Variants in BICC1 observed in about 807,000 individuals in gnomAD.
BICC1 encodes BicC family RNA binding protein 1, also known as protein bicaudal C homolog 1.
In BICC1, 43 loss-of-function variants were observed where a neutral mutation model predicts 111.0. The ratio of observed to expected loss-of-function variants is 0.39; its 90% confidence interval spans 0.30 to 0.50. BICC1 has a LOEUF of 0.50. BICC1 is among the 20% of genes least tolerant of loss of function. The pLI is 0.88. For synonymous variants in BICC1, 467 were observed against 434.4 expected, an observed-to-expected ratio of 1.07 and a Z score of -0.93; for missense variants, 1,091 against 1,203.2, an observed-to-expected ratio of 0.91 and a Z score of 1.38.
At chr10:58,704,088 A>G (rs966414030) in intron 3 of BICC1, among the ~76,000 whole-genome samples, 1 of 152,220 alleles carries the variant, frequency 6.6e-6, no homozygotes, top group Non-Finnish European at 1.5e-5. Flanking sequence ...CCCATTCAAA[A>G]TGGCCAACTA....
chr10:58,785,937 C>A (rs748135056), intron 4 of BICC1, among the ~76,000 whole-genome samples: 3 of 151,766 alleles, frequency 2.0e-5, no homozygotes, highest in East Asian at 3.9e-4. Context: ...TGGTTTTCTT[C>A]GTTTTTAAAA....
At chr10:58,580,000 C>T (rs1307199113) in intron 1 of BICC1, among the ~76,000 whole-genome samples, 1 of 149,420 alleles carries the variant, frequency 6.7e-6, no homozygotes, top group Non-Finnish European at 1.5e-5. Flanking sequence ...TTTAAGAACA[C>T]TTAACAAGAA....
At chr10:58,716,787 G>T (rs1469805047) in intron 3 of BICC1, among the ~76,000 whole-genome samples, 1 of 148,434 alleles carries the variant, frequency 6.7e-6, no homozygotes, top group South Asian at 2.1e-4. Context: ...GGGTTGGGGG[G>T]GTGGTTTGCT....
chr10:58,762,949 A>G (rs773710967), intron 3 of BICC1, among the ~76,000 whole-genome samples: 1 of 152,206 alleles, frequency 6.6e-6, no homozygotes, highest in Non-Finnish European at 1.5e-5. Context: ...GTTAGACTCA[A>G]TGAAACAGAA....
At position 58,537,783 on chromosome 10, in the gene BICC1, C is replaced by T. The variant is rs561489689; in HGVS notation, c.190+24450C>T. On this transcript the variant is annotated intron_variant, in intron 1 of 20. Coordinates refer to ENST00000373886, the MANE Select transcript of BICC1 (RefSeq NM_001080512.3). Reference sequence around the variant, plus strand: ...CTGATAAATGAATCCAGTAAAGTCTCAGGTTACAAAATTAATATACATAAA... The same window carrying T: ...CTGATAAATGAATCCAGTAAAGTCTTAGGTTACAAAATTAATATACATAAA... 5.3e-5 allele frequency among the ~76,000 whole-genome samples: 8 copies of T among 151,912 alleles called. No individual in the cohort carries two copies. In the East Asian group the frequency reaches 1.4e-3, roughly 26 times the overall value.
At chr10:58,789,116 C>A in intron 6 of BICC1, 146 bp from the exon 7 acceptor site, 1 of 614,354 alleles carries the variant, frequency 1.6e-6, no homozygotes, top group Admixed American at 3.3e-5. Flanking sequence ...AAAAAAAAAA[C>A]TTTATATAAT....
chr10:58,652,522 CTCT>C (rs1355214960), intron 2 of BICC1, among the ~76,000 whole-genome samples: 6 of 152,198 alleles, frequency 3.9e-5, no homozygotes, highest in African/African-American at 1.4e-4. Flanking sequence ...GCTCATAGTT[CTCT>C]TCTTGGTAAG....
intron 1 of BICC1, among the ~76,000 whole-genome samples, chr10:58,594,306 G>C (rs1483907475): frequency 6.6e-6 from 1 of 152,110 alleles, no homozygotes; most frequent in African/African-American, 2.4e-5. Flanking sequence ...CACTTTTCAG[G>C]ATATTATCCA....
At chr10:58,769,758 T>C (rs35784224) in intron 3 of BICC1, among the ~76,000 whole-genome samples, 71,013 of 151,690 alleles carry the variant, frequency 0.47, 16,764 homozygotes, top group Admixed American at 0.58. Flanking sequence ...TTCTACTGTA[T>C]TCATATAGTG....
chr10:58,657,750 G>T (rs994122747), intron 2 of BICC1, among the ~76,000 whole-genome samples: 2 of 151,970 alleles, frequency 1.3e-5, no homozygotes, highest in Non-Finnish European at 2.9e-5. Flanking sequence ...TTGAATTTTT[G>T]TTAACTTTAA....
intron 3 of BICC1, among the ~76,000 whole-genome samples, chr10:58,774,875 T>A (rs1235143107): frequency 6.6e-6 from 1 of 152,210 alleles, no homozygotes; most frequent in Non-Finnish European, 1.5e-5. Flanking sequence ...TTTGCCCATT[T>A]CCTTAAGGGA....
In BICC1 at chr10:58,567,428, T is replaced by C. The variant is rs1432102464; in HGVS notation, c.191-53427T>C. 2.6e-5 allele frequency among the ~76,000 whole-genome samples: 4 copies of C among 151,904 alleles called. No homozygotes were observed. In the East Asian group the frequency reaches 7.7e-4, roughly 29 times the overall value. The stretch of plus-strand genomic sequence containing the variant: ...GAGATATATATATATGTGTGTGTCT[T>C]TTAGGGGATATATATATGTCTTTTA... On this transcript the variant is annotated intron_variant, in intron 1 of 20. Coordinates refer to ENST00000373886, the MANE Select transcript of BICC1 (RefSeq NM_001080512.3).
At chr10:58,730,927 G>T (rs1209831854) in intron 3 of BICC1, among the ~76,000 whole-genome samples, 1 of 152,136 alleles carries the variant, frequency 6.6e-6, no homozygotes, top group Non-Finnish European at 1.5e-5. Flanking sequence ...AATTCCTGCA[G>T]CCTGCTTGAA....
intron 20 of BICC1, among the ~76,000 whole-genome samples, chr10:58,826,408 G>A (rs189201687): frequency 3.3e-5 from 5 of 152,260 alleles, no homozygotes; most frequent in Admixed American, 2.0e-4. Context: ...TAATGCAGAT[G>A]TAAGTGTCCT....
At chr10:58,623,811 C>G (rs956146161) in intron 2 of BICC1, among the ~76,000 whole-genome samples, 1 of 152,080 alleles carries the variant, frequency 6.6e-6, no homozygotes, top group Non-Finnish European at 1.5e-5. Context: ...AATGTGGCAC[C>G]TGTCACTTCC....
intron 20 of BICC1, 107 bp from the exon 21 acceptor site, chr10:58,828,654 C>G (rs566639195): frequency 1.8e-4 from 218 of 1,218,662 alleles, no homozygotes; most frequent in Middle Eastern, 1.0e-3. Flanking sequence ...ACTTGACTTT[C>G]CTCAAAAAAC....
At chr10:58,670,822 C>T (rs1839160791) in intron 2 of BICC1, among the ~76,000 whole-genome samples, 1 of 152,096 alleles carries the variant, frequency 6.6e-6, no homozygotes, top group South Asian at 2.1e-4. Context: ...GATAAACAAA[C>T]TGGTGGGTTT....
intron 3 of BICC1, among the ~76,000 whole-genome samples, chr10:58,754,753 G>GT (rs1842093627): frequency 8.7e-6 from 1 of 115,480 alleles, no homozygotes; most frequent in African/African-American, 3.3e-5. Flanking sequence ...TGTGAGGGGG[G>GT]GTGTGTATGT....
chr10:58,622,219 A>C (rs1358548593), intron 2 of BICC1, among the ~76,000 whole-genome samples: 2 of 152,098 alleles, frequency 1.3e-5, no homozygotes, highest in Non-Finnish European at 2.9e-5. Flanking sequence ...AATAGCAGAA[A>C]TCATAGATTT....
Sources: allele counts gnomAD v4.1 joint callset (sites outside exome capture counted in the v4.1 genomes callset), GRCh38; gene constraint gnomAD v4.1.1; transcripts MANE v1.5; gene names NCBI Gene and HGNC (gene_info 2026-07-23, HGNC 2026-07-21).